Variants in SEMA5A observed in about 807,000 individuals in gnomAD.
The protein encoded by SEMA5A is semaphorin-5A.
SEMA5A carries 55 observed loss-of-function variants against 135.5 expected under a neutral mutation model. The ratio of observed to expected loss-of-function variants is 0.41; its 90% CI spans 0.33 to 0.51. The LOEUF is 0.51. Among genes scored for constraint, SEMA5A ranks in the 20% least tolerant of loss-of-function variants. The probability of loss-of-function intolerance (pLI) is 0.37; values close to 1 mark genes in which losing one functional copy is unlikely to be tolerated. For missense variants in SEMA5A, 1,290 were observed against 1,419.9 expected, an observed-to-expected ratio of 0.91 and a Z score of 1.47; for synonymous variants, 580 against 546.5, an observed-to-expected ratio of 1.06 and a Z score of -0.85.
intron 8 of SEMA5A, among the ~76,000 whole-genome samples, chr5:9,210,259 TGACTG>T (rs977421927): frequency 2.1e-4 from 32 of 152,332 alleles, no homozygotes; most frequent in Admixed American, 2.1e-3. Context: ...CTTCCTCACA[TGACTG>T]GAGAGGACCT....
chr5:9,063,568 C>A (rs1175228892), intron 17 of SEMA5A, among the ~76,000 whole-genome samples: 2 of 152,160 alleles, frequency 1.3e-5, no homozygotes, highest in East Asian at 3.8e-4. Flanking sequence ...AGCTGTTAAC[C>A]TTTCAAAGGT....
chr5:9,467,803 C>T (rs1265970244), intron 1 of SEMA5A, among the ~76,000 whole-genome samples: 4 of 152,110 alleles, frequency 2.6e-5, no homozygotes, highest in Admixed American at 6.5e-5. Context: ...GTCCTGCCTG[C>T]GGGAGGCTGG....
chr5:9,140,082 C>T (rs768147446), intron 12 of SEMA5A, among the ~76,000 whole-genome samples: 3 of 152,094 alleles, frequency 2.0e-5, no homozygotes, highest in Admixed American at 6.5e-5. Flanking sequence ...TTTCTTTTCC[C>T]GTTATTCAAA....
At chr5:9,409,228 A>G (rs1345061266) in intron 2 of SEMA5A, among the ~76,000 whole-genome samples, 1 of 152,250 alleles carries the variant, frequency 6.6e-6, no homozygotes, top group African/African-American at 2.4e-5. Context: ...TTGATGACAC[A>G]TGAAAATGAT....
At chr5:9,187,546 C>T (rs1744875311) in intron 11 of SEMA5A, among the ~76,000 whole-genome samples, 2 of 152,278 alleles carry the variant, frequency 1.3e-5, no homozygotes, top group Middle Eastern at 3.4e-3. Flanking sequence ...CTACAAAGTT[C>T]TCCTCCTCTT....
Position 9,181,721 on chromosome 5 carries a change from T to C in SEMA5A, c.1273+8546A>G, listed in dbSNP as rs184146841. ...GGTCCGGAAGGGATGCGACAGTGAG[T>C]ATGTGGAGATGGAGAGGGGGGACTA... On this transcript the variant is annotated intron_variant, in intron 11 of 22. Transcript: ENST00000382496. Among the ~76,000 whole-genome samples, 53 of 152,144 alleles carry C rather than the reference T, an allele frequency of 3.5e-4. No individual in the cohort carries two copies. In the East Asian group the frequency reaches 9.3e-3, roughly 27 times the overall value.
At chr5:9,427,548 C>A (rs1757703101) in intron 2 of SEMA5A, among the ~76,000 whole-genome samples, 1 of 152,186 alleles carries the variant, frequency 6.6e-6, no homozygotes, top group South Asian at 2.1e-4. Flanking sequence ...GCTTTACTAA[C>A]CTTCTGCCTT....
chr5:9,132,770 T>A (rs1741504515), intron 13 of SEMA5A, among the ~76,000 whole-genome samples: 1 of 152,210 alleles, frequency 6.6e-6, no homozygotes, highest in South Asian at 2.1e-4. Context: ...ATCATCAATA[T>A]TCCTGTAACT....
In SEMA5A at chr5:9,131,326, C is replaced by T. The variant is rs372797044; in HGVS notation, c.1599+5178G>A. Among the ~76,000 whole-genome samples the T allele has an allele frequency of 9.9e-5, 15 of 152,084 alleles. No homozygotes were observed. The South Asian group carries it at 2.9e-3, about 29-fold the overall frequency. ...TAGGGTCTTTAAAACAACCAACTCT[C>T]AGCTGGGCGCAGTGGCTCACGCCTG... On this transcript the variant is annotated intron_variant, in intron 13 of 22. Transcript: ENST00000382496.
intron 7 of SEMA5A, among the ~76,000 whole-genome samples, chr5:9,225,484 G>A (rs540025735): frequency 2.0e-5 from 3 of 147,444 alleles, no homozygotes; most frequent in South Asian, 2.1e-4. Flanking sequence ...CAGGAGAATC[G>A]CTTGAACCCA....
At chr5:9,467,815 T>C (rs1759318201) in intron 1 of SEMA5A, among the ~76,000 whole-genome samples, 1 of 152,172 alleles carries the variant, frequency 6.6e-6, no homozygotes, top group Non-Finnish European at 1.5e-5. Context: ...GGAGGCTGGT[T>C]CCTTGTGCAG....
chr5:9,158,812 T>G (rs1252586797), intron 11 of SEMA5A, among the ~76,000 whole-genome samples: 2 of 152,230 alleles, frequency 1.3e-5, no homozygotes, highest in African/African-American at 4.8e-5. Flanking sequence ...ATATGGTTAT[T>G]ATTCAAAAGA....
chr5:9,172,584 A>C (rs1743984735), intron 11 of SEMA5A, among the ~76,000 whole-genome samples: 1 of 152,152 alleles, frequency 6.6e-6, no homozygotes, highest in African/African-American at 2.4e-5. Flanking sequence ...TTAATTACTA[A>C]ATTTTTATCA....
Position 9,202,067 on chromosome 5 carries a change from C to G in SEMA5A, c.820G>C (p.Ala274Pro), listed in dbSNP as rs768565735. Residue 274 changes from alanine to proline, a missense_variant, in exon 9 of 23, where the codon GCT becomes CCT. Ala to Pro is a conservative substitution (Grantham distance 27, BLOSUM62 -1). Around this residue, in one of 3 missense-constraint regions of SEMA5A, gnomAD observed 1,029 missense variants for 1,086.6 expected, o/e 0.95. Coordinates refer to ENST00000382496, the MANE Select transcript of SEMA5A (RefSeq NM_003966.3). ...LEDTWTTFMK[A>P]RLNCSRPGEV... The stretch of plus-strand genomic sequence containing the variant: ...CCAGGACGGGAGCAGTTCAGGCGAG[C>G]CTTCATGAATGTGGTCCAGGTGTCT... The G allele has an allele frequency of 2.5e-6, 4 of 1,614,198 alleles. No individual in the cohort carries two copies. Among genetic ancestry groups the G allele is most frequent in the Admixed American group, 1.7e-5 (1 of 60,022 alleles).
chr5:9,361,241 G>T (rs1315801447), intron 3 of SEMA5A, among the ~76,000 whole-genome samples: 2 of 151,412 alleles, frequency 1.3e-5, no homozygotes, highest in Non-Finnish European at 2.9e-5. Flanking sequence ...AGAGGTTGCA[G>T]TGAGGCAAGA....
chr5:9,483,067 T>G (rs1223050950), intron 1 of SEMA5A, among the ~76,000 whole-genome samples: 1 of 152,220 alleles, frequency 6.6e-6, no homozygotes, highest in East Asian at 1.9e-4. Flanking sequence ...TGCCAATAAT[T>G]GAGATTCAGA....
chr5:9,164,152 A>ACATAG (rs1195231185), intron 11 of SEMA5A, among the ~76,000 whole-genome samples: 26 of 133,258 alleles, frequency 2.0e-4, no homozygotes, highest in African/African-American at 6.8e-4. Context: ...AATTATAAAT[A>ACATAG]TATCATATAA....
At chr5:9,475,393 A>G (rs898486440) in intron 1 of SEMA5A, among the ~76,000 whole-genome samples, 1 of 152,200 alleles carries the variant, frequency 6.6e-6, no homozygotes, top group Non-Finnish European at 1.5e-5. Flanking sequence ...TAGATTTTCC[A>G]AAGAAAGGAC....
chr5:9,432,640 C>T (rs867754217), intron 2 of SEMA5A, among the ~76,000 whole-genome samples: 1 of 152,138 alleles, frequency 6.6e-6, no homozygotes, highest in Non-Finnish European at 1.5e-5. Context: ...TCTCAAAAAG[C>T]GAGATCTAGA....
Sources: allele counts gnomAD v4.1 joint callset (sites outside exome capture counted in the v4.1 genomes callset), GRCh38; gene constraint gnomAD v4.1.1; regional missense constraint gnomAD v4.1.1; transcripts MANE v1.5; gene names NCBI Gene and HGNC (gene_info 2026-07-23, HGNC 2026-07-21).